The following HHAT variants were observed in gnomAD, a reference collection of about 807,000 sequenced individuals.
HHAT encodes the protein hedgehog acyltransferase.
A neutral mutation model predicts 70.8 loss-of-function variants in HHAT; 47 were observed. That is an observed-to-expected ratio of 0.66 (90% CI 0.53 to 0.85). HHAT has a LOEUF of 0.85. HHAT is among the 40% of genes least tolerant of loss of function. The probability of loss-of-function intolerance (pLI) is 0.00; values close to 1 mark genes in which losing one functional copy is unlikely to be tolerated. For missense variants in HHAT, 609 were observed against 604.8 expected, an observed-to-expected ratio of 1.01 and a Z score of -0.07; for synonymous variants, 228 against 247.6, an observed-to-expected ratio of 0.92 and a Z score of 0.74.
At chr1:210,384,743 G>A (rs1391133557) in intron 3 of HHAT, among the ~76,000 whole-genome samples, 1 of 152,190 alleles carries the variant, frequency 6.6e-6, no homozygotes, top group Non-Finnish European at 1.5e-5. Flanking sequence ...AGAAAATGGG[G>A]GAAGGGACAG....
intron 4 of HHAT, among the ~76,000 whole-genome samples, chr1:210,390,483 T>TAGAC (rs1005832384): frequency 1.3e-5 from 2 of 151,704 alleles, no homozygotes; most frequent in Admixed American, 1.3e-4. Flanking sequence ...AACATAAAGA[T>TAGAC]AGGTCTATTA....
intron 8 of HHAT, among the ~76,000 whole-genome samples, chr1:210,505,406 A>AG (rs1251363067): frequency 6.6e-6 from 1 of 152,184 alleles, no homozygotes; most frequent in Non-Finnish European, 1.5e-5. Context: ...GCTGGGGTCT[A>AG]GGGGGCCTGG....
At chr1:210,496,488 A>G (rs943315281) in intron 8 of HHAT, among the ~76,000 whole-genome samples, 1 of 152,154 alleles carries the variant, frequency 6.6e-6, no homozygotes, top group Non-Finnish European at 1.5e-5. Context: ...ACTGCATGAG[A>G]GGGACTTTAC....
At chr1:210,442,910 A>T (rs1173667513) in intron 7 of HHAT, among the ~76,000 whole-genome samples, 20 of 151,990 alleles carry the variant, frequency 1.3e-4, no homozygotes, top group African/African-American at 2.4e-5. Flanking sequence ...GGTGTTTTAG[A>T]CATGAAGTCC....
At chr1:210,478,918 G>T (rs2094348257) in intron 8 of HHAT, among the ~76,000 whole-genome samples, 1 of 152,162 alleles carries the variant, frequency 6.6e-6, no homozygotes, top group Non-Finnish European at 1.5e-5. Context: ...TGAGAGACAA[G>T]CATCTGGGAG....
intron 9 of HHAT, among the ~76,000 whole-genome samples, chr1:210,551,539 G>A (rs1161723282): frequency 6.6e-6 from 1 of 152,134 alleles, no homozygotes; most frequent in Admixed American, 6.6e-5. Flanking sequence ...AGTGATTAAT[G>A]CTTTCCCCCT....
chr1:210,668,841 T>C (rs1175715631), intron 11 of HHAT, among the ~76,000 whole-genome samples: 1 of 152,200 alleles, frequency 6.6e-6, no homozygotes, highest in African/African-American at 2.4e-5. Context: ...TGGTGCAATC[T>C]CAGCTCACTG....
At chr1:210,523,184 C>T (rs1000639962) in intron 9 of HHAT, among the ~76,000 whole-genome samples, 2 of 152,130 alleles carry the variant, frequency 1.3e-5, no homozygotes, top group African/African-American at 4.8e-5. Flanking sequence ...CCTGGGCCCA[C>T]CACAGTGGGT....
intron 8 of HHAT, among the ~76,000 whole-genome samples, chr1:210,483,557 G>GT (rs1158581360): frequency 6.6e-6 from 1 of 152,160 alleles, no homozygotes; most frequent in East Asian, 1.9e-4. Context: ...TATTTGTGGG[G>GT]TAAGGGAGGG....
intron 7 of HHAT, among the ~76,000 whole-genome samples, chr1:210,436,268 G>A (rs1249373801): frequency 6.6e-6 from 1 of 151,542 alleles, no homozygotes; most frequent in African/African-American, 2.4e-5. Context: ...TGAGTTCACT[G>A]TGTATGCATG....
intron 8 of HHAT, among the ~76,000 whole-genome samples, chr1:210,501,600 A>G (rs914971486): frequency 1.3e-5 from 2 of 152,258 alleles, no homozygotes; most frequent in African/African-American, 4.8e-5. Flanking sequence ...AACAAAACCC[A>G]TGTCTGCAAT....
intron 1 of HHAT, among the ~76,000 whole-genome samples, chr1:210,341,116 A>G (rs1292650870): frequency 1.3e-5 from 2 of 152,234 alleles, no homozygotes; most frequent in Non-Finnish European, 2.9e-5. Flanking sequence ...CTAAAGCATA[A>G]GAAAACTCAG....
intron 7 of HHAT, among the ~76,000 whole-genome samples, chr1:210,453,071 A>G (rs1351677818): frequency 6.6e-6 from 1 of 152,222 alleles, no homozygotes; most frequent in Non-Finnish European, 1.5e-5. Flanking sequence ...ATGAAATGCC[A>G]GCAAAGTTAT....
At chr1:210,624,897 G>A (rs1249032212) in intron 11 of HHAT, among the ~76,000 whole-genome samples, 1 of 152,196 alleles carries the variant, frequency 6.6e-6, no homozygotes, top group Non-Finnish European at 1.5e-5. Context: ...GCCAAGTGGT[G>A]ATGACATAAC....
rs115095878 is a variant in HHAT, at chr1:210,346,764, G to A, written c.-43-2169G>A. On this transcript the variant is annotated intron_variant, in intron 1 of 11. Transcript: ENST00000261458. ...CTGAAGAAAGGAGTTTGTGTGTGCG[G>A]CAGATTCTAAGCCAGGCTCTAAGTC... Among the ~76,000 whole-genome samples, 1,313 of 152,346 alleles carry A rather than the reference G, an allele frequency of 8.6e-3. 12 individuals are homozygous for A. Among genetic ancestry groups the A allele is most frequent in the Non-Finnish European group, 0.011 (750 of 68,044 alleles).
chr1:210,498,237 T>C (rs930900427), intron 8 of HHAT, among the ~76,000 whole-genome samples: 4 of 152,226 alleles, frequency 2.6e-5, no homozygotes, highest in African/African-American at 9.6e-5. Context: ...GGGTACAATA[T>C]GCAAATGATA....
At chr1:210,565,073 G>A (rs948794696) in intron 9 of HHAT, among the ~76,000 whole-genome samples, 1 of 152,176 alleles carries the variant, frequency 6.6e-6, no homozygotes, top group East Asian at 1.9e-4. Context: ...ATGGGAGGTG[G>A]GAAGGGGAAG....
chr1:210,365,014 G>A (rs1239221814), intron 3 of HHAT, among the ~76,000 whole-genome samples: 1 of 152,148 alleles, frequency 6.6e-6, no homozygotes, highest in African/African-American at 2.4e-5. Flanking sequence ...TTGCATGTGG[G>A]GTGGGTGGTT....
intron 7 of HHAT, among the ~76,000 whole-genome samples, chr1:210,454,619 A>G (rs1036404398): frequency 7.2e-5 from 11 of 152,140 alleles, no homozygotes; most frequent in African/African-American, 1.9e-4. Flanking sequence ...TGTGTGGAGT[A>G]TTACTTTGCT....
Sources: gnomAD v4.1 joint callset for allele counts (sites outside exome capture counted in the v4.1 genomes callset) on GRCh38, gnomAD v4.1.1 for gene constraint, MANE v1.5 for transcripts, NCBI Gene and HGNC (gene_info 2026-07-23, HGNC 2026-07-21) for gene names.